Variants in LOC400499 observed in about 807,000 individuals in gnomAD.
At chr16:11,393,895 T>A in the LOC400499 span, among the ~76,000 whole-genome samples, 81 of 152,270 alleles carry the variant, frequency 5.3e-4, no homozygotes, top group Non-Finnish European at 8.7e-4. Flanking sequence ...CTGGACCACA[T>A]GGCAAAAACC....
chr16:11,474,148 C>A, the LOC400499 span, among the ~76,000 whole-genome samples: 10 of 152,360 alleles, frequency 6.6e-5, no homozygotes, highest in Admixed American at 3.9e-4. Flanking sequence ...CGTGAGCTAT[C>A]CGCCGGCCAG....
the LOC400499 span, among the ~76,000 whole-genome samples, chr16:11,489,045 C>T: frequency 1.3e-5 from 2 of 152,208 alleles, no homozygotes; most frequent in South Asian, 4.1e-4. Flanking sequence ...GCCAACAAGT[C>T]GTGCCTGAAC....
chr16:11,404,635 C>CCG, the LOC400499 span: 2 of 398,746 alleles, frequency 5.0e-6, no homozygotes, highest in Non-Finnish European at 8.8e-6. Context: ...GCATGAGCCA[C>CCG]CGCGCCTGGC....
chr16:11,512,702 T>A, the LOC400499 span, among the ~76,000 whole-genome samples: 1 of 152,176 alleles, frequency 6.6e-6, no homozygotes, highest in Non-Finnish European at 1.5e-5. Flanking sequence ...AAATGGTGAA[T>A]TGTATGGTAT....
the LOC400499 span, among the ~76,000 whole-genome samples, chr16:11,481,708 C>T: frequency 2.0e-5 from 3 of 152,114 alleles, no homozygotes; most frequent in Non-Finnish European, 4.4e-5. Flanking sequence ...TCTTGGCTCT[C>T]GGCAACCCCT....
At chr16:11,422,050 C>G in the LOC400499 span, among the ~76,000 whole-genome samples, 68,084 of 152,110 alleles carry the variant, frequency 0.45, 15,701 homozygotes, top group East Asian at 0.56. Context: ...CTCCGCCTGC[C>G]CCCAAAGTCT....
the LOC400499 span, chr16:11,465,653 G>T: frequency 1.3e-5 from 2 of 152,248 alleles, no homozygotes; most frequent in Admixed American, 6.5e-5. Context: ...ACAGGCCGTA[G>T]TCCCAGCTAC....
chr16:11,396,953 C>G, the LOC400499 span, among the ~76,000 whole-genome samples: 1 of 152,154 alleles, frequency 6.6e-6, no homozygotes. Flanking sequence ...GTGCCTTAGG[C>G]CCCTTCCCTC....
At chr16:11,471,370 C>T in the LOC400499 span, 16 of 295,412 alleles carry the variant, frequency 5.4e-5, no homozygotes, top group Admixed American at 5.1e-5. Flanking sequence ...GGTTGTCTTA[C>T]GGCAAGTCAC....
At chr16:11,385,272 C>T in the LOC400499 span, 2 of 1,232,256 alleles carry the variant, frequency 1.6e-6, no homozygotes, top group East Asian at 3.2e-5. Flanking sequence ...GGCTGTGAGC[C>T]CCGAGCCTGT....
At chr16:11,404,362 T>A in the LOC400499 span, among the ~76,000 whole-genome samples, 1 of 152,132 alleles carries the variant, frequency 6.6e-6, no homozygotes, top group Non-Finnish European at 1.5e-5. Context: ...AGTCATGGCT[T>A]TTTTGAGACC....
At chr16:11,381,054 T>C in the LOC400499 span, 1 of 152,280 alleles carries the variant, frequency 6.6e-6, no homozygotes, top group East Asian at 1.9e-4. Context: ...GTGCTTTTTA[T>C]AGTGCACTCG....
the LOC400499 span, among the ~76,000 whole-genome samples, chr16:11,376,581 T>C: frequency 6.6e-6 from 1 of 152,256 alleles, no homozygotes; most frequent in African/African-American, 2.4e-5. Flanking sequence ...TACCACACTT[T>C]TGACCACTGT....
the LOC400499 span, among the ~76,000 whole-genome samples, chr16:11,492,544 G>A: frequency 6.6e-6 from 1 of 151,988 alleles, no homozygotes; most frequent in Non-Finnish European, 1.5e-5. Flanking sequence ...AGCACTTTTG[G>A]GAAGCCGAGC....
chr16:11,411,257 C>A, the LOC400499 span: 1 of 399,334 alleles, frequency 2.5e-6, no homozygotes, highest in Non-Finnish European at 4.4e-6. Context: ...TTAGCTGAGG[C>A]TGAGGCTGAG....
chr16:11,431,046 T>A, the LOC400499 span: 1 of 399,088 alleles, frequency 2.5e-6, no homozygotes, highest in East Asian at 3.6e-5. Context: ...CCTCTTGAAG[T>A]GTCTCCTTCT....
chr16:11,493,055 G>A, the LOC400499 span, among the ~76,000 whole-genome samples: 1 of 152,176 alleles, frequency 6.6e-6, no homozygotes, highest in Admixed American at 6.5e-5. Flanking sequence ...AACAGAAAGG[G>A]CAATGTGCTG....
At chr16:11,403,082 G>T in the LOC400499 span, among the ~76,000 whole-genome samples, 3,613 of 152,088 alleles carry the variant, frequency 0.024, 153 homozygotes, top group African/African-American at 0.081. Context: ...CCTGACCTCC[G>T]ACATCACTTG....
chr16:11,382,505 T>A, the LOC400499 span, among the ~76,000 whole-genome samples: 1,108 of 152,310 alleles, frequency 7.3e-3, 7 homozygotes, highest in Middle Eastern at 0.017. Flanking sequence ...GTAGCTGGTG[T>A]TAGAACTGAA....
Sources: gnomAD v4.1 joint callset for allele counts (sites outside exome capture counted in the v4.1 genomes callset) on GRCh38, gnomAD v4.1.1 for gene constraint, MANE v1.5 for transcripts.